MAPK9: variants seen among roughly 807,000 people sequenced by gnomAD.
MAPK9 encodes the protein mitogen-activated protein kinase 9, also known as Jun kinase.
MAPK9 carries 30 observed loss-of-function variants against 57.1 expected under a neutral mutation model. The observed-to-expected ratio is 0.53, with a 90% CI of 0.39 to 0.71. MAPK9 has a LOEUF of 0.71. MAPK9 is among the 30% of genes least tolerant of loss of function. The pLI, the probability that MAPK9 is intolerant of heterozygous loss-of-function variation, is 0.00. For missense variants in MAPK9, 362 were observed against 521.0 expected, an observed-to-expected ratio of 0.69 and a Z score of 2.97; for synonymous variants, 155 against 177.0, an observed-to-expected ratio of 0.88 and a Z score of 0.99.
Position 180,236,357 on chromosome 5 carries a change from G to A in MAPK9, c.*27C>T, listed in dbSNP as rs1027287292. The A allele has an allele frequency of 8.8e-6, 14 of 1,583,488 alleles. No homozygotes were observed. Among genetic ancestry groups the A allele is most frequent in the African/African-American group, 1.3e-5 (1 of 74,406 alleles). On this transcript the variant is annotated 3_prime_UTR_variant, in exon 12 of 12. Coordinates refer to ENST00000452135, the MANE Select transcript of MAPK9 (RefSeq NM_002752.5). ...CCACGGAGGTGAGAGTTCCTTCAATGCTGACAGGTTTGCTATTTCTAACCT... is the reference window on the plus strand; with the variant it reads ...CCACGGAGGTGAGAGTTCCTTCAATACTGACAGGTTTGCTATTTCTAACCT...
In MAPK9 at chr5:180,233,591, A is replaced by T. The variant is rs1302005114; in HGVS notation, c.*2793T>A. The stretch of plus-strand genomic sequence containing the variant: ...AACACACAAAAATTGGACATGCTAT[A>T]CATTTATCTTTTAAAATGTAGTCTG... On this transcript the variant is annotated 3_prime_UTR_variant, in exon 12 of 12. Transcript: ENST00000452135. 1 of 152,260 alleles carries T rather than the reference A, an allele frequency of 6.6e-6. No homozygotes were observed. Among genetic ancestry groups the T allele is most frequent in the Non-Finnish European group, 1.5e-5 (1 of 68,046 alleles). 9.4% of individuals were successfully genotyped at this position (152,260 alleles called of 1,614,324 possible). A position where few individuals can be genotyped will look rare whatever the true frequency, so the allele number is the denominator to read the frequency against.
At chr5:180,244,665 T>C (rs1167964153) in intron 7 of MAPK9, among the ~76,000 whole-genome samples, 1 of 150,738 alleles carries the variant, frequency 6.6e-6, no homozygotes, top group Non-Finnish European at 1.5e-5. Flanking sequence ...TCCCAGCTAC[T>C]CGGGAGGCTG....
rs1436391407 is a variant in MAPK9, at chr5:180,235,786, A to T, written c.*598T>A. On this transcript the variant is annotated 3_prime_UTR_variant, in exon 12 of 12. Coordinates refer to ENST00000452135, the MANE Select transcript of MAPK9 (RefSeq NM_002752.5). ...CCCCAAACATCACAAATCTAAGAAAAGCTATATATTTTTATTTATTAAATA... is the reference window on the plus strand; with the variant it reads ...CCCCAAACATCACAAATCTAAGAAATGCTATATATTTTTATTTATTAAATA... The T allele has an allele frequency of 6.6e-6, 1 of 152,220 alleles. No individual in the cohort carries two copies. Among genetic ancestry groups the T allele is most frequent in the East Asian group, 1.9e-4 (1 of 5,206 alleles). 9.4% of individuals were successfully genotyped at this position (152,220 alleles called of 1,614,324 possible).
chr5:180,247,783 C>T lies in MAPK9; in HGVS notation c.617-273G>A. On this transcript the variant is annotated intron_variant, in intron 6 of 11. Coordinates refer to ENST00000452135, the MANE Select transcript of MAPK9 (RefSeq NM_002752.5). The surrounding 1 kb of genome is among the most constrained non-coding windows in gnomAD (Gnocchi z 4.5). ...ACCAGAAACAAGAAGTGCCTGTGAACACAAAGCTTTTCAGGGCCACACGCC... is the reference window on the plus strand; with the variant it reads ...ACCAGAAACAAGAAGTGCCTGTGAATACAAAGCTTTTCAGGGCCACACGCC... 6.8e-7 allele frequency: 1 copy of T among 1,480,754 alleles called. No homozygotes were observed. Among genetic ancestry groups the T allele is most frequent in the Non-Finnish European group, 9.4e-7 (1 of 1,059,768 alleles). 91.7% of individuals were successfully genotyped at this position (1,480,754 alleles called of 1,614,324 possible).
intron 5 of MAPK9, among the ~76,000 whole-genome samples, chr5:180,253,348 C>T (rs562746314): frequency 5.9e-5 from 9 of 152,300 alleles, no homozygotes; most frequent in South Asian, 2.1e-4. Context: ...AAGCCGCCCA[C>T]GAAAAGCCCC....
intron 11 of MAPK9, 97 bp from the exon 12 acceptor site, chr5:180,236,623 T>G (rs1757194442): frequency 1.5e-6 from 2 of 1,363,110 alleles, no homozygotes; most frequent in African/African-American, 2.9e-5. Context: ...TCTGTCCTTT[T>G]GCAGTTTCCC....
At chr5:180,240,112 C>T (rs1034834954) in intron 9 of MAPK9, 125 bp from the exon 10 acceptor site, 6 of 678,482 alleles carry the variant, frequency 8.8e-6, no homozygotes, top group South Asian at 3.5e-5. Flanking sequence ...TAATTCAACA[C>T]GTGGTTTAAT....
intron 5 of MAPK9, among the ~76,000 whole-genome samples, chr5:180,249,553 T>C (rs1313525041): frequency 6.6e-6 from 1 of 151,974 alleles, no homozygotes; most frequent in African/African-American, 2.4e-5. Flanking sequence ...CCTCCTGCTC[T>C]CCACGCCTGG....
chr5:180,259,622 C>G (rs190451836), intron 5 of MAPK9, among the ~76,000 whole-genome samples: 4 of 152,244 alleles, frequency 2.6e-5, no homozygotes, highest in African/African-American at 9.6e-5. Flanking sequence ...GAGAGAAACC[C>G]TTTGACTGTA....
chr5:180,288,282 C>A (rs1581336813), intron 1 of MAPK9, among the ~76,000 whole-genome samples: 1 of 152,202 alleles, frequency 6.6e-6, no homozygotes, highest in East Asian at 1.9e-4. Context: ...ATTGCTTCAA[C>A]AAATAAACTA....
intron 1 of MAPK9, chr5:180,286,976 A>C (rs1762823925): frequency 6.6e-6 from 1 of 152,242 alleles, no homozygotes; most frequent in African/African-American, 2.4e-5. Context: ...GAAACATACC[A>C]CAACTTGGGT....
chr5:180,241,301 A>C lies in MAPK9; in HGVS notation c.872-146T>G, dbSNP rs1466612436. 2.5e-4 allele frequency: 210 copies of C among 831,666 alleles called. No individual in the cohort carries two copies. The East Asian group carries it at 6.0e-3, about 24-fold the overall frequency. 51.5% of individuals were successfully genotyped at this position (831,666 alleles called of 1,614,324 possible). ...GATAGGTTCAAGATGAATATAACCC[A>C]AAATTTTTTTTTTTTTTTTCGGAGA... On this transcript the variant is annotated intron_variant, in intron 8 of 11. Transcript: ENST00000452135.
At chr5:180,289,730 C>G (rs1017815732) in intron 1 of MAPK9, among the ~76,000 whole-genome samples, 1 of 152,178 alleles carries the variant, frequency 6.6e-6, no homozygotes, top group Non-Finnish European at 1.5e-5. Flanking sequence ...CCCTCCCACA[C>G]AGCCAGTCCT....
At chr5:180,283,368 A>T (rs1762474645) in intron 1 of MAPK9, among the ~76,000 whole-genome samples, 1 of 152,182 alleles carries the variant, frequency 6.6e-6, no homozygotes, top group Non-Finnish European at 1.5e-5. Context: ...CAGCTGTCAC[A>T]GACCCAGAGA....
chr5:180,251,732 A>AGTGACGCCTGGATTGGGGC (rs1554122533), intron 5 of MAPK9, among the ~76,000 whole-genome samples: 2 of 151,764 alleles, frequency 1.3e-5, no homozygotes, highest in South Asian at 2.1e-4. Flanking sequence ...TACAGATCCA[A>AGTGACGCCTGGATTGGGGC]GTGACGCCTG....
At chr5:180,249,218 G>T in intron 5 of MAPK9, 80 bp from the exon 6 acceptor site, 2 of 1,351,962 alleles carry the variant, frequency 1.5e-6, no homozygotes, top group Non-Finnish European at 2.0e-6. Flanking sequence ...GGGTCGTGAA[G>T]CCAGTGTGAG....
intron 5 of MAPK9, among the ~76,000 whole-genome samples, chr5:180,256,626 AT>A (rs1385172304): frequency 6.6e-6 from 1 of 152,124 alleles, no homozygotes; most frequent in Non-Finnish European, 1.5e-5. Flanking sequence ...GGAGGCAGGG[AT>A]GGCAACAGGG....
intron 6 of MAPK9, 29 bp downstream of exon 6, chr5:180,248,944 C>T (rs1758395734): frequency 1.9e-6 from 3 of 1,569,862 alleles, no homozygotes; most frequent in African/African-American, 2.7e-5. Context: ...CTAAACATCC[C>T]AGCCTCTTCC....
rs1217976410 is a variant in MAPK9, at chr5:180,249,089, A to T, written c.500T>A (p.Ile167Asn). 6.2e-7 allele frequency: 1 copy of T among 1,614,066 alleles called. No individual in the cohort carries two copies. The highest frequency in any genetic ancestry group is 8.5e-7 in the Non-Finnish European group (1 of 1,179,952). ...TGTCCGGGCCAGGCCAAAGTCAAGG[A>T]TCTTCAGGGTGCAGTCTGATTTCAC... ...IVVKSDCTLK[I>N]LDFGLARTAC... The change falls in exon 6 of 12, where the codon ATC (isoleucine) becomes AAC (asparagine). Residue 167 changes from isoleucine (I) to asparagine (N), a missense_variant. This residue lies in a region of MAPK9 where 127 missense variants were observed against 231.7 expected (regional missense o/e 0.55). Coordinates refer to ENST00000452135, the MANE Select transcript of MAPK9 (RefSeq NM_002752.5).
Sources: gnomAD v4.1 joint callset for allele counts (sites outside exome capture counted in the v4.1 genomes callset) on GRCh38, gnomAD v4.1.1 for gene constraint, gnomAD v4.1.1 regional missense constraint, Gnocchi (gnomAD v3.1) non-coding constraint, MANE v1.5 for transcripts, NCBI Gene and HGNC (gene_info 2026-07-23, HGNC 2026-07-21) for gene names.